MAGI2: variants seen among roughly 807,000 people sequenced by gnomAD.
MAGI2 encodes the protein membrane-associated guanylate kinase, WW and PDZ domain-containing protein 2.
A neutral mutation model predicts 133.3 loss-of-function variants in MAGI2; 35 were observed. The observed-to-expected ratio is 0.26, with a 90% CI of 0.20 to 0.35. The LOEUF is 0.35. MAGI2 is among the 10% of genes least tolerant of loss of function. The probability of loss-of-function intolerance (pLI) is 1.00; values close to 1 mark genes in which losing one functional copy is unlikely to be tolerated. For missense variants in MAGI2, 1,636 were observed against 1,863.4 expected (o/e 0.88, Z 2.25); for synonymous variants, 729 against 710.6 (o/e 1.03, Z -0.41).
chr7:79,257,447 G>C (rs1291078009), intron 1 of MAGI2, among the ~76,000 whole-genome samples: 1 of 152,122 alleles, frequency 6.6e-6, no homozygotes, highest in East Asian at 1.9e-4. Context: ...TTAGGATTTA[G>C]AGAAAATGTA....
At chr7:78,152,599 T>G (rs1190940569) in intron 16 of MAGI2, among the ~76,000 whole-genome samples, 1 of 152,256 alleles carries the variant, frequency 6.6e-6, no homozygotes, top group Non-Finnish European at 1.5e-5. Flanking sequence ...CTTACTTGAC[T>G]GAAAACATAT....
chr7:79,306,572 C>T (rs749521068), intron 1 of MAGI2, among the ~76,000 whole-genome samples: 1 of 152,042 alleles, frequency 6.6e-6, no homozygotes, highest in Non-Finnish European at 1.5e-5. Context: ...TTGAATTTGT[C>T]TCTGTTGAAC....
intron 1 of MAGI2, among the ~76,000 whole-genome samples, chr7:79,380,250 T>C (rs1356569101): frequency 6.6e-6 from 1 of 151,910 alleles, no homozygotes; most frequent in Non-Finnish European, 1.5e-5. Flanking sequence ...TCTACTCATC[T>C]GACAAAGGGC....
intron 10 of MAGI2, among the ~76,000 whole-genome samples, chr7:78,239,604 G>A (rs774164126): frequency 6.6e-6 from 1 of 152,198 alleles, no homozygotes; most frequent in Non-Finnish European, 1.5e-5. Context: ...AAATGCCTGA[G>A]TAGGTATTTA....
chr7:78,629,980 TTAAA>T (rs1808782698), intron 2 of MAGI2, among the ~76,000 whole-genome samples: 1 of 151,900 alleles, frequency 6.6e-6, no homozygotes, highest in Admixed American at 6.5e-5. Flanking sequence ...ATAATTTAAA[TTAAA>T]TAAATATTTT....
At chr7:78,514,998 TTG>T (rs142761813) in intron 4 of MAGI2, among the ~76,000 whole-genome samples, 1 of 151,836 alleles carries the variant, frequency 6.6e-6, no homozygotes, top group Non-Finnish European at 1.5e-5. Flanking sequence ...CCTCTTGGCA[TTG>T]TGTGTGTGTG....
intron 1 of MAGI2, among the ~76,000 whole-genome samples, chr7:79,440,777 C>A (rs944175545): frequency 2.0e-5 from 3 of 152,020 alleles, no homozygotes; most frequent in African/African-American, 7.2e-5. Context: ...ATTATTATCT[C>A]TATAACAAGG....
chr7:78,348,460 T>C (rs978977665), intron 7 of MAGI2: 1 of 152,178 alleles, frequency 6.6e-6, no homozygotes, highest in Non-Finnish European at 1.5e-5. Context: ...ATTGAAGTGT[T>C]GCAGTGGTTA....
chr7:78,337,645 G>A (rs1395006991), intron 9 of MAGI2, among the ~76,000 whole-genome samples: 2 of 152,054 alleles, frequency 1.3e-5, no homozygotes, highest in East Asian at 1.9e-4. Context: ...TATATCTGTA[G>A]CATCTATTAT....
chr7:79,363,405 T>C (rs704865), intron 1 of MAGI2, among the ~76,000 whole-genome samples: 74,316 of 147,708 alleles, frequency 0.5, 20,201 homozygotes, highest in African/African-American at 0.71. Context: ...TAAGAATATA[T>C]ATTCTCCCAA....
intron 1 of MAGI2, among the ~76,000 whole-genome samples, chr7:79,253,750 T>A (rs1368434884): frequency 1.3e-5 from 2 of 152,170 alleles, no homozygotes; most frequent in Non-Finnish European, 2.9e-5. Flanking sequence ...AATTTAAAAA[T>A]CCTCTCTAAC....
intron 21 of MAGI2, among the ~76,000 whole-genome samples, chr7:78,024,446 C>T (rs1437732742): frequency 1.3e-5 from 2 of 152,208 alleles, no homozygotes; most frequent in African/African-American, 2.4e-5. Flanking sequence ...TCCCCCAAAC[C>T]TATCCTGGAC....
At chr7:78,150,774 G>T (rs118063448) in intron 16 of MAGI2, among the ~76,000 whole-genome samples, 244 of 152,278 alleles carry the variant, frequency 1.6e-3, no homozygotes, top group Non-Finnish European at 2.6e-3. Context: ...ATTCCCTAGT[G>T]GGGGAAACAT....
chr7:79,140,801 A>C (rs751740864), intron 1 of MAGI2, among the ~76,000 whole-genome samples: 40 of 152,172 alleles, frequency 2.6e-4, no homozygotes, highest in Non-Finnish European at 4.6e-4. Flanking sequence ...AGTTCAAAGA[A>C]ATGACACAGT....
At chr7:79,420,544 A>G (rs1846883382) in intron 1 of MAGI2, among the ~76,000 whole-genome samples, 1 of 152,006 alleles carries the variant, frequency 6.6e-6, no homozygotes, top group Non-Finnish European at 1.5e-5. Flanking sequence ...AAAAACAAAT[A>G]AAGCACTGAG....
intron 2 of MAGI2, among the ~76,000 whole-genome samples, chr7:78,667,982 G>A (rs1180199866): frequency 6.6e-6 from 1 of 152,080 alleles, no homozygotes; most frequent in African/African-American, 2.4e-5. Context: ...TTCCACAATG[G>A]TTGAACTAGT....
chr7:79,368,826 C>T (rs1323111682), intron 1 of MAGI2, among the ~76,000 whole-genome samples: 2 of 122,176 alleles, frequency 1.6e-5, no homozygotes, highest in Admixed American at 1.1e-4. Context: ...CCAGCCTGGG[C>T]GACAGAGCGA....
At chr7:78,894,151 C>T (rs886691694) in intron 2 of MAGI2, among the ~76,000 whole-genome samples, 38 of 152,202 alleles carry the variant, frequency 2.5e-4, no homozygotes, top group African/African-American at 8.9e-4. Flanking sequence ...CCTGTAATCC[C>T]AGCACTTTGT....
chr7:78,728,049 G>A (rs1820990838), intron 2 of MAGI2, among the ~76,000 whole-genome samples: 1 of 152,134 alleles, frequency 6.6e-6, no homozygotes, highest in Non-Finnish European at 1.5e-5. Context: ...GTTAGGGAAT[G>A]CCTAAGAAGG....
Sources: allele counts gnomAD v4.1 joint callset (sites outside exome capture counted in the v4.1 genomes callset), GRCh38; gene constraint gnomAD v4.1.1; transcripts MANE v1.5; gene names NCBI Gene and HGNC (gene_info 2026-07-23, HGNC 2026-07-21).